The following AFAP1 variants were observed in gnomAD, a reference collection of about 807,000 sequenced individuals.
AFAP1 encodes the protein actin filament associated protein 1, also known as actin filament-associated protein 1.
AFAP1 carries 75 observed loss-of-function variants against 93.9 expected under a neutral mutation model. The ratio of observed to expected loss-of-function variants is 0.80; its 90% CI spans 0.66 to 0.97. The LOEUF is 0.97. Ranked by LOEUF, AFAP1 falls within the 50% of genes least tolerant of loss-of-function variation. AFAP1 has a pLI of 0.00. For synonymous variants in AFAP1, 517 were observed against 430.7 expected, an observed-to-expected ratio of 1.20 and a Z score of -2.48; for missense variants, 1,201 against 1,050.8, an observed-to-expected ratio of 1.14 and a Z score of -1.98.
chr4:7,908,284 T>C (rs1485189990), intron 1 of AFAP1, among the ~76,000 whole-genome samples: 2 of 152,216 alleles, frequency 1.3e-5, no homozygotes, highest in African/African-American at 2.4e-5. Context: ...CCCTGCTCTA[T>C]GCTCCAAGGG....
At chr4:7,808,406 T>C (rs1719716540) in intron 9 of AFAP1, among the ~76,000 whole-genome samples, 1 of 152,162 alleles carries the variant, frequency 6.6e-6, no homozygotes, top group Non-Finnish European at 1.5e-5. Flanking sequence ...AATTATTACA[T>C]ACATGTTTCT....
intron 15 of AFAP1, 48 bp downstream of exon 15, chr4:7,774,691 T>C (rs745460960): frequency 7.6e-6 from 12 of 1,582,582 alleles, no homozygotes. Context: ...AAATCTCCAG[T>C]CTCTAATACA....
At chr4:7,827,375 C>A (rs1234489253) in intron 6 of AFAP1, among the ~76,000 whole-genome samples, 2 of 151,700 alleles carry the variant, frequency 1.3e-5, no homozygotes, top group Non-Finnish European at 2.9e-5. Context: ...AGTTCGAGAC[C>A]AGCCTGACCA....
chr4:7,872,145 T>G, intron 1 of AFAP1, 65 bp from the exon 2 acceptor site: 5 of 1,577,854 alleles, frequency 3.2e-6, no homozygotes, highest in Non-Finnish European at 4.3e-6. Flanking sequence ...GTATGAATAC[T>G]GAGTCTTACT....
chr4:7,886,148 G>A (rs1718129256), intron 1 of AFAP1, among the ~76,000 whole-genome samples: 1 of 152,188 alleles, frequency 6.6e-6, no homozygotes, highest in Admixed American at 6.5e-5. Flanking sequence ...TCTTTTTGAT[G>A]ACCATTATTT....
At chr4:7,837,756 C>A (rs1451231274) in intron 6 of AFAP1, among the ~76,000 whole-genome samples, 1 of 152,156 alleles carries the variant, frequency 6.6e-6, no homozygotes, top group Non-Finnish European at 1.5e-5. Context: ...CGATGGCTCA[C>A]ACTTGTAATC....
At chr4:7,932,853 C>T (rs1479749757) in intron 1 of AFAP1, among the ~76,000 whole-genome samples, 1 of 151,954 alleles carries the variant, frequency 6.6e-6, no homozygotes, top group Non-Finnish European at 1.5e-5. Flanking sequence ...AACCCTGTCT[C>T]TACAAAAAAT....
chr4:7,838,855 C>G (rs1249532728), intron 5 of AFAP1, 152 bp from the exon 6 acceptor site: 3 of 691,872 alleles, frequency 4.3e-6, no homozygotes, highest in Non-Finnish European at 7.1e-6. Context: ...CACACACACA[C>G]ACATACACAC....
intron 12 of AFAP1, among the ~76,000 whole-genome samples, chr4:7,785,124 C>T (rs948877068): frequency 3.9e-5 from 6 of 152,150 alleles, no homozygotes; most frequent in Admixed American, 3.3e-4. Flanking sequence ...CTGTGAAGGC[C>T]TCATCTCTGA....
At chr4:7,872,926 C>CTTTTTTTT (rs1166681967) in intron 1 of AFAP1, among the ~76,000 whole-genome samples, 1 of 119,640 alleles carries the variant, frequency 8.4e-6, no homozygotes, top group African/African-American at 3.2e-5. Flanking sequence ...GTTTTTTTTC[C>CTTTTTTTT]TTTTTTTTTT....
Position 7,762,587 on chromosome 4 carries a change from CAAATTCTCCAAGAAAT to C in AFAP1, c.*1162_*1177del, listed in dbSNP as rs1218726336. 6.6e-6 allele frequency: 1 copy of C among 152,194 alleles called. No individual in the cohort carries two copies. The highest frequency in any genetic ancestry group is 2.4e-5 in the African/African-American group (1 of 41,440). 9.4% of individuals were successfully genotyped at this position (152,194 alleles called of 1,614,324 possible). A position where few individuals can be genotyped will look rare whatever the true frequency, so the allele number is the denominator to read the frequency against. ...TTTTTTCCTTTATGCCTTAGGCATC[CAAATTCTCCAAGAAAT>C]ATTGCACAGAAGGCAAGCAAGAAAG... On this transcript the variant is annotated 3_prime_UTR_variant, in exon 18 of 18. Coordinates refer to ENST00000420658, the MANE Select transcript of AFAP1 (RefSeq NM_001134647.2).
chr4:7,812,168 G>A (rs933556515), intron 8 of AFAP1, among the ~76,000 whole-genome samples: 6 of 152,228 alleles, frequency 3.9e-5, no homozygotes, highest in Non-Finnish European at 5.9e-5. Context: ...CCCAGAGGAG[G>A]ATGTTTCACC....
At chr4:7,909,843 A>G (rs1256507225) in intron 1 of AFAP1, among the ~76,000 whole-genome samples, 1 of 152,116 alleles carries the variant, frequency 6.6e-6, no homozygotes, top group Non-Finnish European at 1.5e-5. Flanking sequence ...CTTTTTTCAC[A>G]GCCCCCCAGA....
chr4:7,843,691 C>T lies in AFAP1; in HGVS notation c.335-341G>A, dbSNP rs142094151. On this transcript the variant is annotated intron_variant, in intron 4 of 17. Transcript: ENST00000420658. ...GCCATCCTCATTCTGCAGAGTGTTC[C>T]GCCATACAGAACTCTTGCCCATGGA... 4.5e-3 allele frequency: 1,101 copies of T among 244,450 alleles called. 11 individuals carry two copies. Among genetic ancestry groups the T allele is most frequent in the African/African-American group, 0.024 (1,053 of 44,018 alleles). 15.1% of individuals were successfully genotyped at this position (244,450 alleles called of 1,614,324 possible).
Position 7,838,748 on chromosome 4 carries a change from A to G in AFAP1, c.547-45T>C, listed in dbSNP as rs200457619. ...TCAACTGATATTATAAGGGAGTTCG[A>G]ACAGAAACACTGAGGAAGCTCTAGC... On this transcript the variant is annotated intron_variant, in intron 5 of 17. Transcript: ENST00000420658. The G allele has an allele frequency of 1.1e-5, 18 of 1,594,188 alleles. No homozygotes were observed. In the African/African-American group the frequency reaches 2.3e-4, roughly 20 times the overall value.
At chr4:7,855,699 A>G in intron 3 of AFAP1, 125 bp from the exon 4 acceptor site, 1 of 769,730 alleles carries the variant, frequency 1.3e-6, no homozygotes, top group African/African-American at 1.7e-5. Context: ...GCAAAAGAGA[A>G]CCTCATCCTA....
rs1715039310 is a variant in AFAP1, at chr4:7,769,096, A to G, written c.2254-88T>C. On this transcript the variant is annotated intron_variant, in intron 16 of 17. Coordinates refer to ENST00000420658, the MANE Select transcript of AFAP1 (RefSeq NM_001134647.2). Reference sequence around the variant, plus strand: ...GGAAAATGATTTATTTCAAGGAAGAAATAAGTTTTGGAAATGGGCAAAAAT... The same window carrying G: ...GGAAAATGATTTATTTCAAGGAAGAGATAAGTTTTGGAAATGGGCAAAAAT... The G allele has an allele frequency of 2.7e-6, 4 of 1,475,938 alleles. No individual in the cohort carries two copies. The South Asian group carries it at 4.2e-5, about 16-fold the overall frequency. 91.4% of individuals were successfully genotyped at this position (1,475,938 alleles called of 1,614,324 possible). A position where few individuals can be genotyped will look rare whatever the true frequency, so the allele number is the denominator to read the frequency against.
intron 17 of AFAP1, among the ~76,000 whole-genome samples, chr4:7,766,486 G>C (rs184923371): frequency 9.1e-4 from 138 of 152,298 alleles, no homozygotes; most frequent in African/African-American, 3.2e-3. Flanking sequence ...CAGAATAAGC[G>C]ACAGGATGAG....
chr4:7,831,664 T>G (rs186082742), intron 6 of AFAP1, among the ~76,000 whole-genome samples: 1 of 152,184 alleles, frequency 6.6e-6, no homozygotes, highest in Non-Finnish European at 1.5e-5. Flanking sequence ...GGGCTGCTCT[T>G]CAGTGTGCAG....
Sources: allele counts gnomAD v4.1 joint callset (sites outside exome capture counted in the v4.1 genomes callset), GRCh38; gene constraint gnomAD v4.1.1; transcripts MANE v1.5; gene names NCBI Gene and HGNC (gene_info 2026-07-23, HGNC 2026-07-21).